The following RABGAP1L variants were observed in gnomAD, a reference collection of about 807,000 sequenced individuals.
RABGAP1L encodes the protein rab GTPase-activating protein 1-like.
In RABGAP1L, 63 loss-of-function variants were observed where a neutral mutation model predicts 137.7. The observed-to-expected ratio is 0.46, with a 90% CI of 0.37 to 0.56. The LOEUF is 0.56. Ranked by LOEUF, RABGAP1L falls within the 20% of genes least tolerant of loss-of-function variation. The pLI is 0.00. For missense variants in RABGAP1L, 1,095 were observed against 1,244.0 expected (o/e 0.88, Z 1.80); for synonymous variants, 431 against 433.7 (o/e 0.99, Z 0.08).
chr1:174,671,590 T>C (rs546952828), intron 14 of RABGAP1L, among the ~76,000 whole-genome samples: 5 of 152,352 alleles, frequency 3.3e-5, no homozygotes, highest in African/African-American at 1.2e-4. Flanking sequence ...TTTCTTCTTC[T>C]AATGTGATGT....
At chr1:174,571,665 A>T (rs1667987979) in intron 13 of RABGAP1L, among the ~76,000 whole-genome samples, 1 of 152,190 alleles carries the variant, frequency 6.6e-6, no homozygotes, top group Non-Finnish European at 1.5e-5. Flanking sequence ...TCAAGATCAT[A>T]TGGTCTTTCT....
At chr1:174,743,430 A>G (rs1395474070) in intron 17 of RABGAP1L, among the ~76,000 whole-genome samples, 2 of 152,210 alleles carry the variant, frequency 1.3e-5, no homozygotes, top group Non-Finnish European at 2.9e-5. Context: ...CCAAAAAACT[A>G]TCTATTGAAC....
chr1:174,177,990 T>C (rs1189363711), intron 1 of RABGAP1L, among the ~76,000 whole-genome samples: 3 of 152,230 alleles, frequency 2.0e-5, no homozygotes, highest in Non-Finnish European at 4.4e-5. Context: ...ATATGAAATT[T>C]AAAGTAGTTT....
chr1:174,399,189 A>G (rs1443149874), intron 13 of RABGAP1L, among the ~76,000 whole-genome samples: 2 of 152,182 alleles, frequency 1.3e-5, no homozygotes, highest in Non-Finnish European at 1.5e-5. Context: ...AGTAAAATGA[A>G]TAATGTCATT....
rs778507376 is a variant in RABGAP1L, at chr1:174,394,134, C to T, written c.1699C>T (p.Leu567Phe). 6 of 1,612,526 alleles carry T rather than the reference C, an allele frequency of 3.7e-6. No individual in the cohort carries two copies. In the African/African-American group the frequency reaches 6.7e-5, roughly 18 times the overall value. ...NQAMLDRYRI[L>F]ITKDSAQESV... ...GGCAATGCTGGATAGATACCGAATT[C>T]TTATCACAAAGGTAGGAAGAAGTTC... is the stretch of plus-strand genomic sequence containing the variant. Residue 567 changes from leucine (L) to phenylalanine (F), a missense_variant, in exon 13 of 26, where the codon CTT (leucine) becomes TTT (phenylalanine). Physicochemically the swap from Leu to Phe is conservative, Grantham distance 22. Transcript: ENST00000681986.
In RABGAP1L at chr1:174,448,237, C is replaced by A; in HGVS notation, c.1710+54092C>A. The A allele has an allele frequency of 6.2e-7, 1 of 1,614,032 alleles. No homozygotes were observed. Among genetic ancestry groups the A allele is most frequent in the Non-Finnish European group, 8.5e-7 (1 of 1,179,966 alleles). On this transcript the variant is annotated intron_variant, in intron 13 of 25. Coordinates refer to ENST00000681986, the MANE Select transcript of RABGAP1L (RefSeq NM_001366446.1). The surrounding 1 kb of genome is among the most constrained non-coding windows in gnomAD (Gnocchi z 4.2). The stretch of plus-strand genomic sequence containing the variant: ...ACAGTGTGGTGGATGTCTGCATCTT[C>A]GAGACAGTGGTTATTGTGTTGCTGA...
At chr1:174,941,741 A>G (rs1665919952) in intron 19 of RABGAP1L, among the ~76,000 whole-genome samples, 2 of 152,174 alleles carry the variant, frequency 1.3e-5, no homozygotes, top group South Asian at 4.1e-4. Context: ...CGGAATGGTC[A>G]ATAGCAAAAC....
At chr1:174,487,129 A>G (rs1659748002) in intron 13 of RABGAP1L, among the ~76,000 whole-genome samples, 1 of 152,164 alleles carries the variant, frequency 6.6e-6, no homozygotes. Flanking sequence ...GTAAATATCT[A>G]GTAGGTTCAT....
intron 13 of RABGAP1L, among the ~76,000 whole-genome samples, chr1:174,454,642 C>T (rs553657835): frequency 1.3e-5 from 2 of 151,030 alleles, no homozygotes; most frequent in South Asian, 2.1e-4. Flanking sequence ...GCTCGCCTCC[C>T]GGGTTCACGC....
chr1:174,212,429 G>A (rs1668967891), intron 1 of RABGAP1L, among the ~76,000 whole-genome samples: 1 of 151,956 alleles, frequency 6.6e-6, no homozygotes, highest in Non-Finnish European at 1.5e-5. Flanking sequence ...TAAACAACAT[G>A]CTCCTGAATG....
chr1:174,418,915 G>A (rs1197249712), intron 13 of RABGAP1L, among the ~76,000 whole-genome samples: 1 of 152,088 alleles, frequency 6.6e-6, no homozygotes, highest in African/African-American at 2.4e-5. Flanking sequence ...GTGTGCACCT[G>A]TAATCCCAGC....
intron 1 of RABGAP1L, among the ~76,000 whole-genome samples, chr1:174,169,962 A>T (rs768764808): frequency 6.6e-6 from 1 of 152,186 alleles, no homozygotes; most frequent in African/African-American, 2.4e-5. Context: ...GGAATTACAG[A>T]TGTGAGCCAC....
chr1:174,610,885 T>C (rs1365730567), intron 13 of RABGAP1L, among the ~76,000 whole-genome samples: 5 of 152,122 alleles, frequency 3.3e-5, no homozygotes, highest in Non-Finnish European at 7.4e-5. Flanking sequence ...GTCCTTTGCC[T>C]ATTTTTTGAT....
chr1:174,171,726 G>A (rs1665403943), intron 1 of RABGAP1L, among the ~76,000 whole-genome samples: 2 of 151,726 alleles, frequency 1.3e-5, no homozygotes, highest in Admixed American at 1.3e-4. Flanking sequence ...GATTTCGCTG[G>A]GTGTGGTGGC....
chr1:174,626,102 CCAAAAATGTCAAGTTCCCCAGTTGGGA>C (rs1672923440), intron 13 of RABGAP1L, among the ~76,000 whole-genome samples: 1 of 152,112 alleles, frequency 6.6e-6, no homozygotes, highest in East Asian at 1.9e-4. Flanking sequence ...GATATTAATT[CCAAAAATGTCAAGTTCCCCAGTTGGGA>C]CAATGAACAG....
chr1:174,821,691 T>A (rs1336742211), intron 19 of RABGAP1L, among the ~76,000 whole-genome samples: 1 of 152,258 alleles, frequency 6.6e-6, no homozygotes, highest in Non-Finnish European at 1.5e-5. Context: ...CTGGCTGTTG[T>A]TGCTGTACGT....
chr1:174,920,075 A>G (rs1661550489), intron 19 of RABGAP1L, among the ~76,000 whole-genome samples: 1 of 152,206 alleles, frequency 6.6e-6, no homozygotes, highest in Non-Finnish European at 1.5e-5. Flanking sequence ...TAGAGAAGTT[A>G]AGCATCTTGT....
chr1:174,551,918 A>T (rs1666572046), intron 13 of RABGAP1L, among the ~76,000 whole-genome samples: 1 of 136,292 alleles, frequency 7.3e-6, no homozygotes, highest in Admixed American at 7.0e-5. Flanking sequence ...CTTGATACCC[A>T]TAATTTAGAA....
intron 19 of RABGAP1L, chr1:174,893,125 TG>T: frequency 3.0e-6 from 1 of 330,252 alleles, no homozygotes. Flanking sequence ...AATACATCAT[TG>T]TGCGGCCCTG....
Sources: gnomAD v4.1 joint callset for allele counts (sites outside exome capture counted in the v4.1 genomes callset) on GRCh38, gnomAD v4.1.1 for gene constraint, Gnocchi (gnomAD v3.1) non-coding constraint, MANE v1.5 for transcripts, NCBI Gene and HGNC (gene_info 2026-07-23, HGNC 2026-07-21) for gene names.